U2SURP: variants seen among roughly 807,000 people sequenced by gnomAD.
The protein encoded by U2SURP is U2 snRNP associated SURP domain containing.
In U2SURP, 9 loss-of-function variants were observed where a neutral mutation model predicts 144.9. That is an observed-to-expected ratio of 0.06 (90% CI 0.04 to 0.11). The LOEUF is 0.11. Among genes scored for constraint, U2SURP ranks in the 10% least tolerant of loss-of-function variants. U2SURP has a pLI of 1.00. For synonymous variants in U2SURP, 408 were observed against 396.8 expected (o/e 1.03, Z -0.33); for missense variants, 724 against 1,226.7 (o/e 0.59, Z 6.12).
Position 143,053,793 on chromosome 3 carries a change from A to G in U2SURP, c.2773A>G (p.Arg925Gly). 1 of 1,582,678 alleles carries G rather than the reference A, an allele frequency of 6.3e-7. No homozygotes were observed. The highest frequency in any genetic ancestry group is 8.6e-7 in the Non-Finnish European group (1 of 1,168,654). Residue 925 changes from arginine to glycine, a missense_variant and splice_region_variant, in exon 26 of 28, where the codon AGG becomes GGG. Around this residue, in one of 13 missense-constraint regions of U2SURP, gnomAD observed 129 missense variants for 196.1 expected, o/e 0.66. Coordinates refer to ENST00000473835, the MANE Select transcript of U2SURP (RefSeq NM_001080415.2). Reference sequence around the variant, plus strand: ...TGAGTGTACTCCGACAAGGAAGGAAAGGTATAACATTTCTCATATTTAATT... The same window carrying G: ...TGAGTGTACTCCGACAAGGAAGGAAGGGTATAACATTTCTCATATTTAATT... The part of the protein sequence containing the change: ...KDECTPTRKE[R>G]KRRHSTSPSP...
At chr3:143,024,223 T>C in intron 13 of U2SURP, among the ~76,000 whole-genome samples, 1 of 152,176 alleles carries the variant, frequency 6.6e-6, no homozygotes, top group African/African-American at 2.4e-5. Context: ...TTTTTATTGT[T>C]ATCACTGTAG....
At chr3:143,005,833 C>T (rs542914595) in intron 1 of U2SURP, among the ~76,000 whole-genome samples, 1 of 151,818 alleles carries the variant, frequency 6.6e-6, no homozygotes, top group South Asian at 2.1e-4. Flanking sequence ...TACCCCTCTA[C>T]CCTCCACCCT....
intron 24 of U2SURP, among the ~76,000 whole-genome samples, chr3:143,050,095 G>A (rs895941833): frequency 1.3e-5 from 2 of 151,728 alleles, no homozygotes; most frequent in Non-Finnish European, 1.5e-5. Context: ...TATTTTAGAC[G>A]GAGTTTTGCT....
chr3:143,014,515 A>G (rs1331464396), intron 4 of U2SURP, 106 bp downstream of exon 4: 4 of 654,344 alleles, frequency 6.1e-6, no homozygotes, highest in Non-Finnish European at 9.7e-6. Context: ...CCTCTAGGAT[A>G]TTCTCAGGTC....
intron 20 of U2SURP, 23 bp from the exon 21 acceptor site, chr3:143,037,156 T>C (rs1352131533): frequency 6.2e-7 from 1 of 1,602,814 alleles, no homozygotes; most frequent in South Asian, 1.1e-5. Context: ...AGGAAAATGT[T>C]ATAATAGTAC....
chr3:143,029,492 T>G lies in U2SURP; in HGVS notation c.1610+846T>G, dbSNP rs141585825. 2.8e-4 allele frequency among the ~76,000 whole-genome samples: 43 copies of G among 152,352 alleles called. No homozygotes were observed. In the East Asian group the frequency reaches 7.7e-3, roughly 27 times the overall value. ...GATTGTTTTGGGGCACCACAAACTATGGTCATATAAGAAGATGAACTTAAT... is the reference window on the plus strand; with the variant it reads ...GATTGTTTTGGGGCACCACAAACTAGGGTCATATAAGAAGATGAACTTAAT... On this transcript the variant is annotated intron_variant, in intron 16 of 27. Transcript: ENST00000473835.
At position 143,050,919 on chromosome 3, in the gene U2SURP, T is replaced by A. The variant is rs140915754; in HGVS notation, c.2545-20T>A. The A allele has an allele frequency of 3.1e-4, 472 of 1,513,624 alleles. 3 individuals are homozygous for A. The East Asian group carries it at 3.9e-3, about 13-fold the overall frequency. The allele number at this position is 1,513,624 out of a possible 1,614,324, so 93.8% of individuals were successfully genotyped here. ...CTAGAATGATGAAAATGCTTATTTT[T>A]AAAATATTTTATTTCACAGCTCAAA... On this transcript the variant is annotated intron_variant, in intron 24 of 27. Coordinates refer to ENST00000473835, the MANE Select transcript of U2SURP (RefSeq NM_001080415.2).
At chr3:143,025,001 TAGA>T (rs1195500539) in intron 13 of U2SURP, among the ~76,000 whole-genome samples, 1 of 152,078 alleles carries the variant, frequency 6.6e-6, no homozygotes, top group Non-Finnish European at 1.5e-5. Context: ...TTTATTCTAA[TAGA>T]AAAGTCACCA....
intron 1 of U2SURP, among the ~76,000 whole-genome samples, chr3:143,003,676 T>C: frequency 8.4e-6 from 1 of 119,602 alleles, no homozygotes; most frequent in Middle Eastern, 4.2e-3. Flanking sequence ...TTATTTTATT[T>C]CTTTTTTTTT....
intron 4 of U2SURP, among the ~76,000 whole-genome samples, chr3:143,014,989 T>A (rs927975781): frequency 7.9e-5 from 12 of 152,088 alleles, no homozygotes; most frequent in African/African-American, 2.7e-4. Flanking sequence ...GGATATATTC[T>A]TATAAGTGAG....
At chr3:143,050,528 C>T (rs775097297) in intron 24 of U2SURP, among the ~76,000 whole-genome samples, 5 of 152,168 alleles carry the variant, frequency 3.3e-5, no homozygotes, top group Non-Finnish European at 7.3e-5. Flanking sequence ...ATGAGCTGAA[C>T]CAGAATGCCA....
intron 1 of U2SURP, among the ~76,000 whole-genome samples, chr3:143,003,950 A>G (rs1488176239): frequency 6.6e-6 from 1 of 152,128 alleles, no homozygotes; most frequent in Non-Finnish European, 1.5e-5. Flanking sequence ...TCAGCCTCCC[A>G]AAGTGATGGG....
rs1294401963 is a variant in U2SURP at position 143,004,575 on chromosome 3, C to CA, written c.45+2902_45+2903insA. On this transcript the variant is annotated intron_variant, in intron 1 of 27. Coordinates refer to ENST00000473835, the MANE Select transcript of U2SURP (RefSeq NM_001080415.2). The stretch of plus-strand genomic sequence containing the variant: ...TCTGTTGGCCTCTTGACCTTGTGAC[C>CA]CCCCCCCCCCGCCTCGGCCTCCCAA... 7.0e-5 allele frequency among the ~76,000 whole-genome samples: 5 copies of CA among 71,334 alleles called. 1 individual carries two copies. The highest frequency in any genetic ancestry group is 6.6e-3 in the Middle Eastern group (1 of 152). The allele number at this position is 71,334 out of a possible 152,430, so 46.8% of individuals were successfully genotyped here.
chr3:143,022,959 C>G lies in U2SURP; in HGVS notation c.1125C>G (p.Pro375=), dbSNP rs367649132. The G allele has an allele frequency of 1.9e-6, 3 of 1,612,312 alleles. No individual in the cohort carries two copies. In the Admixed American group the frequency reaches 5.0e-5, roughly 27 times the overall value. The change falls in exon 12 of 28, where the codon CCC becomes CCG. Residue 375 remains proline, a synonymous_variant. Coordinates refer to ENST00000473835, the MANE Select transcript of U2SURP (RefSeq NM_001080415.2). ...CTTCTATGATGGAACATACGCTTCC[C>G]CCACCTCCATCCGGACTGCCTTTTA... ...IPPSMMEHTL[P]PPPSGLPFNA... is the part of the protein sequence containing the mutation.
Position 143,058,404 on chromosome 3 carries a change from A to G in U2SURP, c.*1954A>G, listed in dbSNP as rs1338304719. 2 of 151,780 alleles carry G rather than the reference A, an allele frequency of 1.3e-5. No homozygotes were observed. The highest frequency in any genetic ancestry group is 4.8e-5 in the African/African-American group (2 of 41,384). The allele number at this position is 151,780 out of a possible 1,614,324, so 9.4% of individuals were successfully genotyped here. On this transcript the variant is annotated 3_prime_UTR_variant, in exon 28 of 28. Coordinates refer to ENST00000473835, the MANE Select transcript of U2SURP (RefSeq NM_001080415.2). ...TTATTTGTAATATTTTTCCTACTAC[A>G]TTGGAGTTTAGCAGTTCTTTTTTTC...
At chr3:143,007,965 G>C (rs564254737) in intron 1 of U2SURP, among the ~76,000 whole-genome samples, 181 of 152,324 alleles carry the variant, frequency 1.2e-3, no homozygotes, top group Non-Finnish European at 2.3e-3. Flanking sequence ...AAAGTTCCGT[G>C]CTGAATGCTA....
At chr3:143,012,149 A>G (rs1936146073) in intron 2 of U2SURP, 73 bp from the exon 3 acceptor site, 66 of 1,531,224 alleles carry the variant, frequency 4.3e-5, no homozygotes, top group Non-Finnish European at 5.6e-5. Flanking sequence ...GGCATGGCTT[A>G]TTCCTAGTTT....
Position 143,058,435 on chromosome 3 carries a change from C to G in U2SURP, c.*1985C>G, listed in dbSNP as rs577000905. Reference sequence around the variant, plus strand: ...GTTTAGCAGTTCTTTTTTTCTGGATCCAGATACAAGTGTCATGGTTTATCT... The same window carrying G: ...GTTTAGCAGTTCTTTTTTTCTGGATGCAGATACAAGTGTCATGGTTTATCT... On this transcript the variant is annotated 3_prime_UTR_variant, in exon 28 of 28. Transcript: ENST00000473835. The G allele has an allele frequency of 8.6e-5, 13 of 151,804 alleles. No individual in the cohort carries two copies. Among genetic ancestry groups the G allele is most frequent in the African/African-American group, 3.1e-4 (13 of 41,484 alleles). 9.4% of individuals were successfully genotyped at this position (151,804 alleles called of 1,614,324 possible).
intron 16 of U2SURP, 98 bp downstream of exon 16, chr3:143,028,744 T>G (rs1560189431): frequency 9.3e-7 from 1 of 1,070,522 alleles, no homozygotes; most frequent in Non-Finnish European, 1.3e-6. Context: ...AAAATAAATT[T>G]TTTTCACTTG....
Sources: gnomAD v4.1 joint callset for allele counts (sites outside exome capture counted in the v4.1 genomes callset) on GRCh38, gnomAD v4.1.1 for gene constraint, gnomAD v4.1.1 regional missense constraint, MANE v1.5 for transcripts, NCBI Gene and HGNC (gene_info 2026-07-23, HGNC 2026-07-21) for gene names.